Variants in SPCS2 observed in about 807,000 individuals in gnomAD.
SPCS2 encodes the protein signal peptidase complex subunit 2.
SPCS2 carries 3 observed loss-of-function variants against 22.3 expected under a neutral mutation model. That is an observed-to-expected ratio of 0.13 (90% CI 0.06 to 0.35). The LOEUF (loss-of-function observed/expected upper bound fraction) is 0.35. SPCS2 is among the 10% of genes least tolerant of loss of function. SPCS2 has a pLI of 1.00. For synonymous variants in SPCS2, 67 were observed against 97.2 expected (o/e 0.69, Z 1.83); for missense variants, 169 against 280.9 (o/e 0.60, Z 2.85).
At chr11:74,976,348 CTAT>C (rs1268469121) in intron 4 of SPCS2, among the ~76,000 whole-genome samples, 1 of 152,172 alleles carries the variant, frequency 6.6e-6, no homozygotes. Context: ...CCATAAGAGC[CTAT>C]TATTAGGCCT....
chr11:74,965,379 T>C (rs1322225036), intron 2 of SPCS2, among the ~76,000 whole-genome samples: 1 of 148,668 alleles, frequency 6.7e-6, no homozygotes, highest in Non-Finnish European at 1.5e-5. Flanking sequence ...ATAATAAAAT[T>C]AAAAAAAAAA....
At position 74,978,744 on chromosome 11, in the gene SPCS2, G is replaced by C. The variant is rs1408421938; in HGVS notation, c.*1701G>C. The C allele has an allele frequency of 6.6e-6, 1 of 151,910 alleles. No individual in the cohort carries two copies. Among genetic ancestry groups the C allele is most frequent in the African/African-American group, 2.4e-5 (1 of 41,336 alleles). The allele number at this position is 151,910 out of a possible 1,614,324, so 9.4% of individuals were successfully genotyped here. ...AAAATATATTTTTAATCCATGGTTGGTTAAATCTGTAGATATAGAGGGCCA... is the reference window on the plus strand; with the variant it reads ...AAAATATATTTTTAATCCATGGTTGCTTAAATCTGTAGATATAGAGGGCCA... On this transcript the variant is annotated 3_prime_UTR_variant, in exon 5 of 5. Transcript: ENST00000263672.
chr11:74,962,891 G>A lies in SPCS2; in HGVS notation c.115-2143G>A, dbSNP rs572919958. On this transcript the variant is annotated intron_variant, in intron 1 of 4. Coordinates refer to ENST00000263672, the MANE Select transcript of SPCS2 (RefSeq NM_014752.3). ...TGAGGCTATTTCAATACATTGTAATGGCTGCTTCTGCATTTTATTCTCCCA... is the reference window on the plus strand; with the variant it reads ...TGAGGCTATTTCAATACATTGTAATAGCTGCTTCTGCATTTTATTCTCCCA... 1.3e-3 allele frequency among the ~76,000 whole-genome samples: 200 copies of A among 152,308 alleles called. 2 individuals carry two copies. The highest frequency in any genetic ancestry group is 4.8e-3 in the African/African-American group (198 of 41,558).
At chr11:74,961,367 C>T (rs1206751720) in intron 1 of SPCS2, among the ~76,000 whole-genome samples, 1 of 152,144 alleles carries the variant, frequency 6.6e-6, no homozygotes, top group East Asian at 1.9e-4. Context: ...TTGCCCAGTG[C>T]CTTCCAGTAT....
At chr11:74,966,315 C>T (rs572518852) in intron 3 of SPCS2, among the ~76,000 whole-genome samples, 97 of 152,272 alleles carry the variant, frequency 6.4e-4, no homozygotes, top group African/African-American at 2.3e-3. Context: ...TTTGGAGACT[C>T]AGATCTGTAT....
chr11:74,963,234 ATTTGTAGGCTGG>A (rs1948524198), intron 1 of SPCS2, among the ~76,000 whole-genome samples: 1 of 152,028 alleles, frequency 6.6e-6, no homozygotes, highest in Non-Finnish European at 1.5e-5. Flanking sequence ...GTCGTGTTTG[ATTTGTAGGCTGG>A]CAGTCTATGG....
intron 3 of SPCS2, 130 bp downstream of exon 3, chr11:74,966,053 C>A (rs1191975762): frequency 1.2e-6 from 1 of 810,314 alleles, no homozygotes; most frequent in Non-Finnish European, 2.0e-6. Flanking sequence ...ACATTTTGAG[C>A]TGTGATGTTT....
At chr11:74,955,887 T>TATATATATCTGC (rs1555115677) in intron 1 of SPCS2, among the ~76,000 whole-genome samples, 2 of 132,802 alleles carry the variant, frequency 1.5e-5, no homozygotes, top group Non-Finnish European at 3.2e-5. Context: ...TATATATATA[T>TATATATATCTGC]CTGCCTGCCT....
intron 1 of SPCS2, chr11:74,949,602 T>C (rs1047483006): frequency 3.2e-6 from 2 of 627,500 alleles, no homozygotes; most frequent in East Asian, 6.6e-5. Context: ...CTTTAGAACT[T>C]CTTCTTTTCT....
At chr11:74,959,808 T>C (rs1053860704) in intron 1 of SPCS2, among the ~76,000 whole-genome samples, 3 of 152,232 alleles carry the variant, frequency 2.0e-5, no homozygotes, top group African/African-American at 7.2e-5. Context: ...GAAAATGCCT[T>C]CCTGTACTGA....
intron 3 of SPCS2, among the ~76,000 whole-genome samples, chr11:74,967,290 G>T (rs1174183351): frequency 2.6e-5 from 4 of 152,154 alleles, no homozygotes; most frequent in African/African-American, 9.7e-5. Flanking sequence ...GTTCCCAGGG[G>T]AATTCCAAAG....
chr11:74,968,176 A>C (rs997729865), intron 3 of SPCS2: 3 of 152,032 alleles, frequency 2.0e-5, no homozygotes, highest in African/African-American at 7.2e-5. Context: ...AAATTTATCT[A>C]TTTTTTAACT....
At chr11:74,957,328 C>A (rs367548037) in intron 1 of SPCS2, among the ~76,000 whole-genome samples, 1 of 152,296 alleles carries the variant, frequency 6.6e-6, no homozygotes, top group East Asian at 1.9e-4. Flanking sequence ...CCAGAAAAGT[C>A]ATATAACAGT....
intron 2 of SPCS2, 38 bp from the exon 3 acceptor site, chr11:74,965,725 G>C (rs937585616): frequency 6.5e-7 from 1 of 1,542,576 alleles, no homozygotes; most frequent in Admixed American, 1.7e-5. Flanking sequence ...TGGGGAGGAA[G>C]TATTCCTATT....
chr11:74,964,290 A>T (rs1948531675), intron 1 of SPCS2, among the ~76,000 whole-genome samples: 1 of 152,220 alleles, frequency 6.6e-6, no homozygotes, highest in Admixed American at 6.5e-5. Flanking sequence ...GAACTTCTAC[A>T]TGAGCAGTGA....
intron 1 of SPCS2, among the ~76,000 whole-genome samples, chr11:74,963,179 C>T (rs1948523812): frequency 6.6e-6 from 1 of 152,132 alleles, no homozygotes; most frequent in African/African-American, 2.4e-5. Context: ...AGCTAGAAAA[C>T]CTGCTAATTT....
At chr11:74,967,828 G>A (rs1459528116) in intron 3 of SPCS2, among the ~76,000 whole-genome samples, 1 of 152,122 alleles carries the variant, frequency 6.6e-6, no homozygotes, top group Non-Finnish European at 1.5e-5. Flanking sequence ...CAGCTACTGA[G>A]GAAGCTGAGA....
chr11:74,974,658 A>G (rs1014151372), intron 4 of SPCS2, among the ~76,000 whole-genome samples: 3 of 152,166 alleles, frequency 2.0e-5, no homozygotes, highest in African/African-American at 7.2e-5. Flanking sequence ...ACTTTCATCT[A>G]GGCTGGAGTG....
intron 1 of SPCS2, among the ~76,000 whole-genome samples, chr11:74,950,526 T>C (rs1252978551): frequency 6.6e-6 from 1 of 152,170 alleles, no homozygotes; most frequent in Non-Finnish European, 1.5e-5. Flanking sequence ...TCTTTTTGAG[T>C]GTCATTGGTT....
Sources: gnomAD v4.1 joint callset for allele counts (sites outside exome capture counted in the v4.1 genomes callset) on GRCh38, gnomAD v4.1.1 for gene constraint, MANE v1.5 for transcripts, NCBI Gene and HGNC (gene_info 2026-07-23, HGNC 2026-07-21) for gene names.